The following CYFIP2 variants were observed in gnomAD, a reference collection of about 807,000 sequenced individuals.
CYFIP2 encodes cytoplasmic FMR1 interacting protein 2.
In CYFIP2, 29 loss-of-function variants were observed where a neutral mutation model predicts 158.7. The ratio of observed to expected loss-of-function variants is 0.18; its 90% CI spans 0.14 to 0.25. CYFIP2 has a LOEUF of 0.25. Ranked by LOEUF, CYFIP2 falls within the 10% of genes least tolerant of loss-of-function variation. The pLI, the probability that CYFIP2 is intolerant of heterozygous loss-of-function variation, is 1.00. For synonymous variants in CYFIP2, 585 were observed against 617.6 expected, an observed-to-expected ratio of 0.95 and a Z score of 0.78; for missense variants, 852 against 1,639.5, an observed-to-expected ratio of 0.52 and a Z score of 8.29.
Position 157,309,836 on chromosome 5 carries a change from T to TGA in CYFIP2, c.992+4_992+5dup. On this transcript the variant is annotated splice_region_variant and intron_variant, in intron 10 of 30. Transcript: ENST00000620254. ...TCACTATGAAGAGAACAAGTCCAAG[T>TGA]GAGTGCCTGCCGTAATGTCTCTCGG... 1 of 1,585,678 alleles carries TGA rather than the reference T, an allele frequency of 6.3e-7. No individual in the cohort carries two copies. Among genetic ancestry groups the TGA allele is most frequent in the Non-Finnish European group, 8.6e-7 (1 of 1,166,538 alleles).
rs761452206 is a variant in CYFIP2, at chr5:157,383,278, G to A, written c.3126G>A (p.Leu1042=). The change falls in exon 28 of 31, where the codon CTG becomes CTA. Residue 1042 remains leucine (L), a synonymous_variant. Transcript: ENST00000620254. The part of the protein sequence containing the change: ...PRVYIKEGER[L]EVRMKRLEAK... ...CTCCTTTTGCAGAGGGGGAGCGCCTGGAGGTCCGGATGAAACGTCTGGAAG... is the reference window on the plus strand; with the variant it reads ...CTCCTTTTGCAGAGGGGGAGCGCCTAGAGGTCCGGATGAAACGTCTGGAAG... 6.2e-7 allele frequency: 1 copy of A among 1,613,816 alleles called. No individual in the cohort carries two copies. Among genetic ancestry groups the A allele is most frequent in the South Asian group, 1.1e-5 (1 of 91,042 alleles).
At chr5:157,368,986 C>A (rs1363715567) in intron 26 of CYFIP2, among the ~76,000 whole-genome samples, 1 of 151,862 alleles carries the variant, frequency 6.6e-6, no homozygotes, top group African/African-American at 2.4e-5. Flanking sequence ...GCAGCCTCCA[C>A]CTCCTGGGTT....
Position 157,390,684 on chromosome 5 carries a change from G to T in CYFIP2, c.3594+16G>T. ...TAAGAATGTGGTGAGCAGGCTGGTG[G>T]CTAAGGCCTGGGAGGTGGGGCTGGG... On this transcript the variant is annotated intron_variant, in intron 30 of 30. Transcript: ENST00000620254. 2 of 1,578,192 alleles carry T rather than the reference G, an allele frequency of 1.3e-6. No homozygotes were observed. The highest frequency in any genetic ancestry group is 1.7e-6 in the Non-Finnish European group (2 of 1,161,534).
At position 157,361,244 on chromosome 5, in the gene CYFIP2, TG is replaced by T. The variant is rs1344862382; in HGVS notation, c.2909-223del. ...CTGTGTTTGTGTGTGTGTGCATGTGTGTGCGTGTGTGTGTTCTGAAAAAGAC... is the reference window on the plus strand; with the variant it reads ...CTGTGTTTGTGTGTGTGTGCATGTGTTGCGTGTGTGTGTTCTGAAAAAGAC... On this transcript the variant is annotated intron_variant, in intron 25 of 30. Coordinates refer to ENST00000620254, the MANE Select transcript of CYFIP2 (RefSeq NM_001037333.3). The surrounding 1 kb of genome is among the most constrained non-coding windows in gnomAD (Gnocchi z 4.4). Among the ~76,000 whole-genome samples the T allele has an allele frequency of 1.3e-5, 2 of 152,100 alleles. No individual in the cohort carries two copies. The highest frequency in any genetic ancestry group is 1.3e-4 in the Admixed American group (2 of 15,262).
intron 23 of CYFIP2, among the ~76,000 whole-genome samples, chr5:157,346,777 G>A (rs962459): frequency 0.1 from 15,267 of 152,240 alleles, 837 homozygotes; most frequent in Middle Eastern, 0.15. Context: ...GAACACAAGC[G>A]TCCCAAGAAA....
At chr5:157,290,310 G>GA (rs1757717365) in intron 3 of CYFIP2, among the ~76,000 whole-genome samples, 1 of 152,226 alleles carries the variant, frequency 6.6e-6, no homozygotes, top group Admixed American at 6.5e-5. Flanking sequence ...GGCTCCAGGA[G>GA]AAAGTCTGTT....
intron 28 of CYFIP2, among the ~76,000 whole-genome samples, chr5:157,386,557 C>A (rs1342277964): frequency 6.6e-6 from 1 of 152,268 alleles, no homozygotes. Context: ...TATTTATACT[C>A]ATTGACCCTT....
At chr5:157,299,557 A>T (rs1758566662) in intron 5 of CYFIP2, among the ~76,000 whole-genome samples, 2 of 152,084 alleles carry the variant, frequency 1.3e-5, no homozygotes, top group South Asian at 4.1e-4. Flanking sequence ...CATAGCACAT[A>T]CCACATTCTA....
intron 18 of CYFIP2, 98 bp from the exon 19 acceptor site, chr5:157,327,875 T>G (rs1561731889): frequency 7.6e-6 from 9 of 1,182,112 alleles, no homozygotes. Flanking sequence ...CAGAATGCAC[T>G]CTGGGCAATC....
At chr5:157,358,558 A>G (rs1763578361) in intron 23 of CYFIP2, among the ~76,000 whole-genome samples, 2 of 152,348 alleles carry the variant, frequency 1.3e-5, no homozygotes, top group African/African-American at 4.8e-5. Context: ...GATGGAAACA[A>G]CTAACAGTAG....
chr5:157,380,926 A>C (rs1486548699), intron 26 of CYFIP2, among the ~76,000 whole-genome samples: 2 of 152,172 alleles, frequency 1.3e-5, no homozygotes, highest in Non-Finnish European at 2.9e-5. Context: ...TTAAGAAAGG[A>C]GGAAAGGGCC....
intron 16 of CYFIP2, 83 bp downstream of exon 16, chr5:157,324,157 T>C: frequency 4.1e-6 from 6 of 1,474,300 alleles, no homozygotes; most frequent in East Asian, 2.3e-5. Flanking sequence ...AGCCAGGCAT[T>C]GCAAAGGGAC....
chr5:157,274,522 T>C (rs1312674957), intron 1 of CYFIP2, among the ~76,000 whole-genome samples: 2 of 152,280 alleles, frequency 1.3e-5, no homozygotes, highest in African/African-American at 4.8e-5. Context: ...CAAATAATGG[T>C]GCCATGAACA....
chr5:157,300,912 C>A lies in CYFIP2; in HGVS notation c.569+16C>A. 1 of 1,530,538 alleles carries A rather than the reference C, an allele frequency of 6.5e-7. No homozygotes were observed. The highest frequency in any genetic ancestry group is 8.8e-7 in the Non-Finnish European group (1 of 1,130,814). 94.8% of individuals were successfully genotyped at this position (1,530,538 alleles called of 1,614,324 possible). ...CCTACAAGAGGTCAGGGCAACCTCCCCCTCTCCCCTTTCCCCATCCAGGCC... is the reference window on the plus strand; with the variant it reads ...CCTACAAGAGGTCAGGGCAACCTCCACCTCTCCCCTTTCCCCATCCAGGCC... On this transcript the variant is annotated intron_variant, in intron 6 of 30. Transcript: ENST00000620254.
chr5:157,382,573 T>G lies in CYFIP2; in HGVS notation c.3040-17T>G, dbSNP rs754948143. ...AAATGAAAATTGTTTTCTCTTTCTT[T>G]ACCCCCATCTCTGCAGTCTCAGGAG... On this transcript the variant is annotated splice_polypyrimidine_tract_variant and intron_variant, in intron 26 of 30. Transcript: ENST00000620254. 1.2e-6 allele frequency: 2 copies of G among 1,613,630 alleles called. No individual in the cohort carries two copies. Among genetic ancestry groups the G allele is most frequent in the African/African-American group, 2.7e-5 (2 of 75,042 alleles).
At chr5:157,360,550 G>A (rs1167320090) in intron 25 of CYFIP2, among the ~76,000 whole-genome samples, 178 bp downstream of exon 25, 2 of 152,236 alleles carry the variant, frequency 1.3e-5, no homozygotes, top group African/African-American at 4.8e-5. Flanking sequence ...TTATCATCTT[G>A]TCAGTGTAGG....
At chr5:157,299,537 T>G (rs1007299197) in intron 5 of CYFIP2, among the ~76,000 whole-genome samples, 17 of 152,228 alleles carry the variant, frequency 1.1e-4, no homozygotes, top group Non-Finnish European at 2.2e-4. Flanking sequence ...CTTCCTTCTT[T>G]ATTTTTTTCC....
chr5:157,322,858 C>G, intron 15 of CYFIP2: 16 of 1,308,784 alleles, frequency 1.2e-5, no homozygotes, highest in African/African-American at 2.9e-5. Flanking sequence ...GCTTTTCTCT[C>G]TCTCTCTCTC....
At chr5:157,371,276 C>G (rs950910798) in intron 26 of CYFIP2, among the ~76,000 whole-genome samples, 1 of 152,194 alleles carries the variant, frequency 6.6e-6, no homozygotes, top group Admixed American at 6.5e-5. Context: ...TCCCCGTCCC[C>G]CTCCTGCCAG....
Sources: allele counts gnomAD v4.1 joint callset (sites outside exome capture counted in the v4.1 genomes callset), GRCh38; gene constraint gnomAD v4.1.1; non-coding constraint Gnocchi (gnomAD v3.1); transcripts MANE v1.5; gene names NCBI Gene and HGNC (gene_info 2026-07-23, HGNC 2026-07-21).